The following MYO1H variants were observed in gnomAD, a reference collection of about 807,000 sequenced individuals.
MYO1H encodes the protein unconventional myosin-Ih.
In MYO1H, 118 loss-of-function variants were observed where a neutral mutation model predicts 149.3. The ratio of observed to expected loss-of-function variants is 0.79; its 90% CI spans 0.68 to 0.92. MYO1H has a LOEUF of 0.92. Ranked by LOEUF, MYO1H falls within the 40% of genes least tolerant of loss-of-function variation. MYO1H has a pLI of 0.00. For synonymous variants in MYO1H, 447 were observed against 465.2 expected (o/e 0.96, Z 0.50); for missense variants, 1,212 against 1,280.7 (o/e 0.95, Z 0.82).
At chr12:109,429,034 T>C (rs1377221345) in intron 19 of MYO1H, among the ~76,000 whole-genome samples, 1 of 152,080 alleles carries the variant, frequency 6.6e-6, no homozygotes, top group Non-Finnish European at 1.5e-5. Flanking sequence ...CATGGTGAAA[T>C]CCTGTCTGCT....
In MYO1H at chr12:109,438,639, C is replaced by G; in HGVS notation, c.2294+19C>G. 6.4e-7 allele frequency: 1 copy of G among 1,566,020 alleles called. No individual in the cohort carries two copies. On this transcript the variant is annotated intron_variant, in intron 23 of 31. Transcript: ENST00000310903. Reference sequence around the variant, plus strand: ...TCAGAAAGTAAGTTCTCAGGTACAACAGAGAGGACAGGTCACTAAATGCTG... The same window carrying G: ...TCAGAAAGTAAGTTCTCAGGTACAAGAGAGAGGACAGGTCACTAAATGCTG...
At position 109,379,428 on chromosome 12, in the gene MYO1H, C is replaced by G. The variant is rs551405145; in HGVS notation, c.13-9255C>G. 3.9e-5 allele frequency among the ~76,000 whole-genome samples: 6 copies of G among 152,262 alleles called. No homozygotes were observed. In the East Asian group the frequency reaches 1.2e-3, roughly 29 times the overall value. On this transcript the variant is annotated intron_variant, in intron 1 of 31. Transcript: ENST00000310903. Reference sequence around the variant, plus strand: ...ATTGTGGTGTTTGATTTTCTGTGTGCTATTGAGCGTTTTTTGCTATTGGTT... The same window carrying G: ...ATTGTGGTGTTTGATTTTCTGTGTGGTATTGAGCGTTTTTTGCTATTGGTT...
chr12:109,395,241 C>G (rs1004423359), intron 3 of MYO1H, among the ~76,000 whole-genome samples: 3 of 152,090 alleles, frequency 2.0e-5, no homozygotes, highest in African/African-American at 7.2e-5. Flanking sequence ...TCCTGCCACT[C>G]CATTTTTAGT....
chr12:109,411,427 C>A (rs1480468486), intron 13 of MYO1H, among the ~76,000 whole-genome samples: 1 of 152,184 alleles, frequency 6.6e-6, no homozygotes, highest in African/African-American at 2.4e-5. Context: ...AAGATGCCAA[C>A]TAAATGGTAT....
At chr12:109,375,448 C>T (rs928198665) in intron 1 of MYO1H, among the ~76,000 whole-genome samples, 15 of 152,272 alleles carry the variant, frequency 9.9e-5, no homozygotes, top group South Asian at 2.1e-4. Context: ...CCACCACACC[C>T]GGCCAGCCAT....
chr12:109,331,339 C>T, the MYO1H span, among the ~76,000 whole-genome samples: 1 of 152,252 alleles, frequency 6.6e-6, no homozygotes, highest in Admixed American at 6.5e-5. Flanking sequence ...CATCCCACCA[C>T]ATAGACACTG....
chr12:109,321,919 C>G, the MYO1H span, among the ~76,000 whole-genome samples: 1 of 152,116 alleles, frequency 6.6e-6, no homozygotes. Context: ...GCCCTTATGA[C>G]CACTCTCACC....
chr12:109,401,301 G>T, intron 6 of MYO1H, 29 bp downstream of exon 6: 1 of 1,585,822 alleles, frequency 6.3e-7, no homozygotes, highest in South Asian at 1.1e-5. Context: ...TGGCTTTGGT[G>T]ACTCTTTGGA....
chr12:109,409,240 C>CTTTTTTTTTTTTTT (rs1870542742), intron 10 of MYO1H, among the ~76,000 whole-genome samples: 4 of 91,034 alleles, frequency 4.4e-5, no homozygotes, highest in African/African-American at 1.6e-4. Context: ...TCTTCTTCTT[C>CTTTTTTTTTTTTTT]TTCTTCTTTT....
chr12:109,426,260 G>T (rs1871348989), intron 18 of MYO1H, among the ~76,000 whole-genome samples: 1 of 152,320 alleles, frequency 6.6e-6, no homozygotes, highest in East Asian at 1.9e-4. Context: ...GAGGCAGGCG[G>T]ATCACTTGAA....
intron 31 of MYO1H, 93 bp from the exon 32 acceptor site, chr12:109,447,066 C>G: frequency 1.5e-6 from 2 of 1,327,028 alleles, no homozygotes; most frequent in South Asian, 2.5e-5. Context: ...TCCACACCCA[C>G]CTTGCTAATG....
the MYO1H span, among the ~76,000 whole-genome samples, chr12:109,340,424 C>T: frequency 6.6e-6 from 1 of 152,190 alleles, no homozygotes; most frequent in South Asian, 2.1e-4. Flanking sequence ...CTGCCTTGGC[C>T]TCCCAAACTG....
At chr12:109,416,544 G>A (rs1870920326) in intron 15 of MYO1H, among the ~76,000 whole-genome samples, 1 of 152,064 alleles carries the variant, frequency 6.6e-6, no homozygotes, top group Non-Finnish European at 1.5e-5. Flanking sequence ...TTTTGTTCAT[G>A]CATTCATCAA....
Position 109,435,045 on chromosome 12 carries a change from TATTC to T in MYO1H, c.2077_2080del (p.Ile693ValfsTer20), listed in dbSNP as rs1163827541. On this transcript the variant is annotated frameshift_variant, in exon 21 of 32. Transcript: ENST00000310903. LOFTEE classifies it high-confidence loss of function. The stretch of plus-strand genomic sequence containing the variant: ...TTTCTTTTCACTTCTAGAACCAAAA[TATTC>T]ATTCGTTTCCCCAGAACTCTGTTTG... 1 of 1,606,884 alleles carries T rather than the reference TATTC, an allele frequency of 6.2e-7. No homozygotes were observed. The highest frequency in any genetic ancestry group is 8.5e-7 in the Non-Finnish European group (1 of 1,177,558).
At chr12:109,310,885 C>G in the MYO1H span, among the ~76,000 whole-genome samples, 1 of 152,198 alleles carries the variant, frequency 6.6e-6, no homozygotes, top group Non-Finnish European at 1.5e-5. Flanking sequence ...CAGTTTTCAT[C>G]TCCCGCGACC....
chr12:109,432,638 C>G (rs1871681620), intron 19 of MYO1H, among the ~76,000 whole-genome samples: 1 of 152,176 alleles, frequency 6.6e-6, no homozygotes, highest in South Asian at 2.1e-4. Flanking sequence ...AATTGAGTCA[C>G]TGGGTTGAGC....
At chr12:109,433,675 G>T (rs1288332801) in intron 20 of MYO1H, among the ~76,000 whole-genome samples, 1 of 152,208 alleles carries the variant, frequency 6.6e-6, no homozygotes, top group Non-Finnish European at 1.5e-5. Context: ...ACTCCCACTT[G>T]TACATGGTCG....
chr12:109,342,967 C>T (rs2048091427), upstream of MYO1H, among the ~76,000 whole-genome samples: 1 of 151,952 alleles, frequency 6.6e-6, no homozygotes, highest in Non-Finnish European at 1.5e-5. Flanking sequence ...CTTGTTATCC[C>T]AGCACGTTGG....
the MYO1H span, among the ~76,000 whole-genome samples, chr12:109,315,825 C>T: frequency 6.6e-6 from 1 of 152,192 alleles, no homozygotes; most frequent in African/African-American, 2.4e-5. Flanking sequence ...TCTTCTGTGT[C>T]TGTGTTGCTA....
Sources: gnomAD v4.1 joint callset for allele counts (sites outside exome capture counted in the v4.1 genomes callset) on GRCh38, gnomAD v4.1.1 for gene constraint, MANE v1.5 for transcripts, NCBI Gene and HGNC (gene_info 2026-07-23, HGNC 2026-07-21) for gene names.